SPON1: variants seen among roughly 807,000 people sequenced by gnomAD.
SPON1 encodes spondin-1.
SPON1 carries 52 observed loss-of-function variants against 111.7 expected under a neutral mutation model. The ratio of observed to expected loss-of-function variants is 0.47; its 90% CI spans 0.37 to 0.59. The LOEUF is 0.59. Ranked by LOEUF, SPON1 falls within the 20% of genes least tolerant of loss-of-function variation. The pLI is 0.00. For synonymous variants in SPON1, 410 were observed against 395.8 expected, an observed-to-expected ratio of 1.04 and a Z score of -0.43; for missense variants, 957 against 1,068.5, an observed-to-expected ratio of 0.90 and a Z score of 1.46.
chr11:14,019,552 ATATGATCATTATG>A (rs1375779590), intron 2 of SPON1, among the ~76,000 whole-genome samples: 2 of 152,124 alleles, frequency 1.3e-5, no homozygotes, highest in South Asian at 2.1e-4. Flanking sequence ...AGAGTATTAT[ATATGATCATTATG>A]TATGATCATT....
chr11:14,161,714 TA>T (rs1554931368), intron 6 of SPON1, among the ~76,000 whole-genome samples: 1 of 152,192 alleles, frequency 6.6e-6, no homozygotes, highest in Middle Eastern at 3.2e-3. Flanking sequence ...TATTGAATAC[TA>T]TATTGAAAGT....
chr11:14,044,787 C>G (rs1433910288), intron 3 of SPON1, among the ~76,000 whole-genome samples: 1 of 152,206 alleles, frequency 6.6e-6, no homozygotes, highest in Non-Finnish European at 1.5e-5. Flanking sequence ...TAAGGTTACA[C>G]AAATGGTATC....
At chr11:13,976,347 G>A (rs557982714) in intron 1 of SPON1, among the ~76,000 whole-genome samples, 24 of 152,250 alleles carry the variant, frequency 1.6e-4, no homozygotes, top group African/African-American at 5.5e-4. Context: ...GTCATTTTAG[G>A]TTATTACTGG....
At chr11:13,983,647 T>C (rs1190692856) in intron 2 of SPON1, among the ~76,000 whole-genome samples, 1 of 152,192 alleles carries the variant, frequency 6.6e-6, no homozygotes, top group Non-Finnish European at 1.5e-5. Context: ...GGTAGGAACG[T>C]CATCCCCTTT....
At chr11:14,036,731 G>A (rs12283632) in intron 2 of SPON1, among the ~76,000 whole-genome samples, 41,091 of 151,890 alleles carry the variant, frequency 0.27, 5,864 homozygotes, top group South Asian at 0.33. Context: ...GAGGGTTTAC[G>A]ACTGAACCTT....
At chr11:14,038,293 C>T (rs924921407) in intron 2 of SPON1, among the ~76,000 whole-genome samples, 1 of 152,008 alleles carries the variant, frequency 6.6e-6, no homozygotes, top group Admixed American at 6.6e-5. Flanking sequence ...TGGTGAAACC[C>T]CATCTCTACT....
intron 6 of SPON1, among the ~76,000 whole-genome samples, chr11:14,200,451 T>G (rs1245925981): frequency 6.6e-6 from 1 of 152,156 alleles, no homozygotes; most frequent in Non-Finnish European, 1.5e-5. Flanking sequence ...TTTAATTAAC[T>G]TCTATAAAGA....
chr11:13,987,698 G>A (rs1848196145), intron 2 of SPON1, among the ~76,000 whole-genome samples: 1 of 152,200 alleles, frequency 6.6e-6, no homozygotes, highest in South Asian at 2.1e-4. Context: ...TTACATTTAA[G>A]TTTCTGATCC....
chr11:14,039,443 G>A (rs1197143096), intron 2 of SPON1, among the ~76,000 whole-genome samples: 1 of 151,944 alleles, frequency 6.6e-6, no homozygotes, highest in Non-Finnish European at 1.5e-5. Flanking sequence ...TGTGTGTAGG[G>A]GTGAAGGGAC....
intron 5 of SPON1, among the ~76,000 whole-genome samples, chr11:14,113,900 G>C (rs557525735): frequency 1.2e-4 from 18 of 152,050 alleles, no homozygotes; most frequent in Admixed American, 3.9e-4. Flanking sequence ...CACCGCGCCT[G>C]GCCAAATTTT....
At position 13,982,729 on chromosome 11, in the gene SPON1, C is replaced by T. The variant is rs1848153679; in HGVS notation, c.239-118C>T. On this transcript the variant is annotated intron_variant, in intron 1 of 15. Transcript: ENST00000576479. ...AATGGATGAAGGCCTCAACACTGTC[C>T]ACGGCCTCTGTAACTCACAGGTCTG... 9.9e-6 allele frequency: 7 copies of T among 703,966 alleles called. No homozygotes were observed. The South Asian group carries it at 1.0e-4, about 11-fold the overall frequency. 43.6% of individuals were successfully genotyped at this position (703,966 alleles called of 1,614,324 possible).
At chr11:14,201,021 A>G (rs1554935565) in intron 6 of SPON1, among the ~76,000 whole-genome samples, 1 of 151,756 alleles carries the variant, frequency 6.6e-6, no homozygotes, top group East Asian at 1.9e-4. Context: ...CTCAGTTTCC[A>G]TATCTGTAAA....
chr11:14,005,618 T>G (rs1489726609), intron 2 of SPON1, among the ~76,000 whole-genome samples: 7 of 152,248 alleles, frequency 4.6e-5, no homozygotes, highest in African/African-American at 1.4e-4. Context: ...TCTTGCTGTG[T>G]AACTTTAACT....
chr11:14,078,541 A>C (rs2618509), intron 4 of SPON1, among the ~76,000 whole-genome samples: 3,474 of 152,282 alleles, frequency 0.023, 143 homozygotes, highest in African/African-American at 0.078. Context: ...CTATCTATGC[A>C]GACCTATCCA....
At position 14,267,399 on chromosome 11, in the gene SPON1, A is replaced by T. The variant is rs191303803; in HGVS notation, c.*1712A>T. 1.3e-4 allele frequency: 20 copies of T among 152,318 alleles called. No individual in the cohort carries two copies. The East Asian group carries it at 2.5e-3, about 19-fold the overall frequency. 9.4% of individuals were successfully genotyped at this position (152,318 alleles called of 1,614,324 possible). On this transcript the variant is annotated 3_prime_UTR_variant, in exon 16 of 16. Coordinates refer to ENST00000576479, the MANE Select transcript of SPON1 (RefSeq NM_006108.4). ...AAATGAATTGCTTTCTCCCAAAAAA[A>T]GCACAATATAAAGAAACACAAGATT...
At chr11:14,064,452 G>C (rs1336805429) in intron 3 of SPON1, among the ~76,000 whole-genome samples, 1 of 152,200 alleles carries the variant, frequency 6.6e-6, no homozygotes, top group Non-Finnish European at 1.5e-5. Flanking sequence ...TAGAAGTGAG[G>C]AGGAGACATG....
At chr11:14,246,957 A>G in intron 7 of SPON1, among the ~76,000 whole-genome samples, 1 of 152,248 alleles carries the variant, frequency 6.6e-6, no homozygotes, top group African/African-American at 2.4e-5. Flanking sequence ...TGGAGAGACC[A>G]TCATGTATCT....
At chr11:13,981,373 C>T (rs1206537282) in intron 1 of SPON1, among the ~76,000 whole-genome samples, 1 of 152,164 alleles carries the variant, frequency 6.6e-6, no homozygotes, top group East Asian at 1.9e-4. Flanking sequence ...GTCACTCAGG[C>T]TGGAGTGCAA....
At chr11:14,187,269 C>T (rs1848295265) in intron 6 of SPON1, among the ~76,000 whole-genome samples, 1 of 152,160 alleles carries the variant, frequency 6.6e-6, no homozygotes, top group African/African-American at 2.4e-5. Context: ...CACCTCCCAC[C>T]AGACCCAACT....
Sources: allele counts gnomAD v4.1 joint callset (sites outside exome capture counted in the v4.1 genomes callset), GRCh38; gene constraint gnomAD v4.1.1; transcripts MANE v1.5; gene names NCBI Gene and HGNC (gene_info 2026-07-23, HGNC 2026-07-21).